Variants in CCDC77 observed in about 807,000 individuals in gnomAD.
CCDC77 encodes coiled-coil domain containing 77.
Under a neutral mutation model 66.8 loss-of-function variants are expected in CCDC77, and 56 were observed. That is an observed-to-expected ratio of 0.84 (90% CI 0.68 to 1.05). The LOEUF (loss-of-function observed/expected upper bound fraction) is 1.05. CCDC77 is among the 50% of genes least tolerant of loss of function. The probability of loss-of-function intolerance (pLI) is 0.00; values close to 1 mark genes in which losing one functional copy is unlikely to be tolerated. For missense variants in CCDC77, 570 were observed against 576.8 expected (o/e 0.99, Z 0.12); for synonymous variants, 196 against 195.2 (o/e 1.00, Z -0.03).
rs528582176 is a variant in CCDC77 at position 428,339 on chromosome 12, T to C, written c.414-430T>C. On this transcript the variant is annotated intron_variant, in intron 5 of 12. Transcript: ENST00000239830. ...CTTCCTGGCTAACACAGTGAAACCC[T>C]GTCTCTACTAAAAATACAAAAATTA... 9.5e-4 allele frequency among the ~76,000 whole-genome samples: 145 copies of C among 151,944 alleles called. 1 individual carries two copies. Among genetic ancestry groups the C allele is most frequent in the African/African-American group, 3.1e-3 (129 of 41,436 alleles).
chr12:441,916 G>A lies in CCDC77; in HGVS notation c.1463G>A (p.Cys488Tyr), dbSNP rs1945864998. Residue 488 changes from cysteine to tyrosine, a missense_variant, in exon 13 of 13, where the codon TGT (cysteine) becomes TAT (tyrosine). Cys to Tyr is a radical substitution (Grantham distance 194). Transcript: ENST00000239830. Reference sequence around the variant, plus strand: ...GGTCTGGAGAATGAACTTAGACTCTGTTAATGTCTACTTTTGGAAATGGCC... The same window carrying A: ...GGTCTGGAGAATGAACTTAGACTCTATTAATGTCTACTTTTGGAAATGGCC... ...VFGLENELRL[C>Y] The A allele has an allele frequency of 1.9e-6, 3 of 1,613,982 alleles. No homozygotes were observed. Among genetic ancestry groups the A allele is most frequent in the Non-Finnish European group, 2.5e-6 (3 of 1,179,970 alleles).
chr12:389,466 A>C, exon 1 of CCDC77: 1 of 400,820 alleles, frequency 2.5e-6, no homozygotes, highest in Non-Finnish European at 4.7e-6. Flanking sequence ...CAGTCCAACG[A>C]CTCCACGCAG....
At chr12:402,477 G>A (rs1944914990) in intron 1 of CCDC77, among the ~76,000 whole-genome samples, 1 of 152,198 alleles carries the variant, frequency 6.6e-6, no homozygotes, top group African/African-American at 2.4e-5. Flanking sequence ...GAAATTATGA[G>A]GGTTGTGGAG....
chr12:433,847 C>T (rs1434944795), intron 9 of CCDC77, among the ~76,000 whole-genome samples: 1 of 152,042 alleles, frequency 6.6e-6, no homozygotes, highest in Non-Finnish European at 1.5e-5. Flanking sequence ...TTTTTGGCTT[C>T]TATGAAATTT....
chr12:429,234 A>G (rs1945599610), intron 6 of CCDC77, among the ~76,000 whole-genome samples: 3 of 152,150 alleles, frequency 2.0e-5, no homozygotes, highest in Admixed American at 2.0e-4. Context: ...AGAGTATAGT[A>G]ATCTATCATA....
intron 4 of CCDC77, among the ~76,000 whole-genome samples, chr12:414,750 C>T (rs1945189199): frequency 6.6e-6 from 1 of 152,122 alleles, no homozygotes; most frequent in Non-Finnish European, 1.5e-5. Flanking sequence ...TAAACCGAAT[C>T]ATTTGGCAAG....
intron 1 of CCDC77, among the ~76,000 whole-genome samples, chr12:393,239 T>C (rs1944781779): frequency 6.6e-6 from 1 of 152,118 alleles, no homozygotes; most frequent in African/African-American, 2.4e-5. Context: ...GCCTCCCAAG[T>C]AGCTAGGACC....
intron 4 of CCDC77, among the ~76,000 whole-genome samples, chr12:416,407 ATATATATATT>A (rs1945283661): frequency 5.6e-5 from 3 of 53,898 alleles, no homozygotes; most frequent in African/African-American, 2.1e-4. Flanking sequence ...ATATATATAT[ATATATATATT>A]TCTTTTTTTT....
intron 2 of CCDC77, among the ~76,000 whole-genome samples, chr12:408,161 CAG>C (rs1290696818): frequency 1.3e-5 from 2 of 152,100 alleles, no homozygotes; most frequent in Non-Finnish European, 2.9e-5. Context: ...TGCTCAGAAT[CAG>C]AGTGGATTGA....
intron 5 of CCDC77, among the ~76,000 whole-genome samples, chr12:423,488 T>G (rs1382306401): frequency 9.4e-5 from 3 of 32,082 alleles, no homozygotes; most frequent in Middle Eastern, 0.016. Flanking sequence ...TGTTTTTTTT[T>G]GTTTTGTTTT....
chr12:441,682 G>A, intron 12 of CCDC77, 92 bp from the exon 13 acceptor site: 1 of 1,350,186 alleles, frequency 7.4e-7, no homozygotes, highest in South Asian at 1.4e-5. Flanking sequence ...CTCACAAAAA[G>A]GAGCTAGCAT....
chr12:438,431 A>G lies in CCDC77; in HGVS notation c.918A>G (p.Glu306=), dbSNP rs770003261. Residue 306 remains glutamate (E), a synonymous_variant, in exon 10 of 13, where the codon GAA becomes GAG. Transcript: ENST00000239830. ...ATAAAGAGAAGTCATGGATGCTTGA[A>G]AAAGATAATTTGATGTCAAAGATTA... The part of the protein sequence containing the change: ...NQNKEKSWML[E]KDNLMSKIKQ... 3 of 1,613,930 alleles carry G rather than the reference A, an allele frequency of 1.9e-6. No homozygotes were observed. In the African/African-American group the frequency reaches 4.0e-5, roughly 22 times the overall value.
At chr12:433,043 AGAG>A (rs1945679944) in intron 8 of CCDC77, 128 bp from the exon 9 acceptor site, 2 of 1,003,046 alleles carry the variant, frequency 2.0e-6, no homozygotes, top group South Asian at 3.2e-5. Flanking sequence ...GAAATGAACA[AGAG>A]GATTAGGATT....
At chr12:397,727 G>T (rs4980817), upstream of CCDC77, among the ~76,000 whole-genome samples, 2 of 151,352 alleles carry the variant, frequency 1.3e-5, no homozygotes. Context: ...GCTCACTGCA[G>T]CCTCTGCCTC....
chr12:423,497 T>G (rs1945470203), intron 5 of CCDC77, among the ~76,000 whole-genome samples: 1 of 75,750 alleles, frequency 1.3e-5, no homozygotes, highest in African/African-American at 5.4e-5. Context: ...TTGTTTTGTT[T>G]TTTTTTTTTT....
chr12:389,499 G>A (rs1944705212), intron 1 of CCDC77: 2 of 329,140 alleles, frequency 6.1e-6, no homozygotes, highest in African/African-American at 4.5e-5. Context: ...AAGGGGTCGG[G>A]GAGGGGCACA....
chr12:416,168 T>C (rs1018303031), intron 4 of CCDC77, among the ~76,000 whole-genome samples: 5 of 151,174 alleles, frequency 3.3e-5, no homozygotes, highest in Non-Finnish European at 5.9e-5. Context: ...CTTGAACTCC[T>C]GGGCTCAAGC....
intron 1 of CCDC77, among the ~76,000 whole-genome samples, chr12:394,163 C>CT (rs1256097353): frequency 4.6e-5 from 7 of 152,208 alleles, no homozygotes; most frequent in Admixed American, 2.0e-4. Context: ...TCTGCCGTAT[C>CT]TAAGTCTGAA....
intron 1 of CCDC77, among the ~76,000 whole-genome samples, chr12:394,331 G>A (rs565818679): frequency 1.6e-4 from 24 of 152,312 alleles, no homozygotes; most frequent in African/African-American, 4.6e-4. Flanking sequence ...TAAAGGTCCA[G>A]ATTTATCACA....
Sources: gnomAD v4.1 joint callset for allele counts (sites outside exome capture counted in the v4.1 genomes callset) on GRCh38, gnomAD v4.1.1 for gene constraint, MANE v1.5 for transcripts, NCBI Gene and HGNC (gene_info 2026-07-23, HGNC 2026-07-21) for gene names.